Variants in UBE3D observed in about 807,000 individuals in gnomAD.
UBE3D encodes the protein E3 ubiquitin-protein ligase E3D.
A neutral mutation model predicts 49.6 loss-of-function variants in UBE3D; 48 were observed. That is an observed-to-expected ratio of 0.97 (90% confidence interval 0.77 to 1.23). The LOEUF is 1.23. UBE3D is among the 50% of genes most tolerant of loss of function. The probability of loss-of-function intolerance (pLI) is 0.00; values close to 1 mark genes in which losing one functional copy is unlikely to be tolerated. For synonymous variants in UBE3D, 189 were observed against 174.2 expected (o/e 1.08, Z -0.67); for missense variants, 452 against 468.4 (o/e 0.96, Z 0.32).
downstream of UBE3D, among the ~76,000 whole-genome samples, chr6:82,888,819 A>G (rs890504313): frequency 7.6e-6 from 1 of 131,856 alleles, no homozygotes; most frequent in Non-Finnish European, 1.6e-5. Context: ...GTTTTGAACA[A>G]TTATGTTTGT....
chr6:83,059,050 A>G (rs1243984311), intron 1 of UBE3D, among the ~76,000 whole-genome samples: 1 of 152,198 alleles, frequency 6.6e-6, no homozygotes, highest in Non-Finnish European at 1.5e-5. Flanking sequence ...AGTAGAATAC[A>G]TATTATACTT....
chr6:82,888,336 G>T, downstream of UBE3D, among the ~76,000 whole-genome samples: 1 of 150,508 alleles, frequency 6.6e-6, no homozygotes, highest in African/African-American at 2.4e-5. Flanking sequence ...ATTGAAATTT[G>T]CAACCAAAAC....
At chr6:83,035,475 G>A (rs57307835) in intron 5 of UBE3D, among the ~76,000 whole-genome samples, 5,591 of 152,240 alleles carry the variant, frequency 0.037, 288 homozygotes, top group African/African-American at 0.11. Flanking sequence ...CTGATAGCTC[G>A]ACTGTGTATA....
chr6:83,031,885 T>C (rs1010545640), intron 5 of UBE3D, among the ~76,000 whole-genome samples: 4 of 152,184 alleles, frequency 2.6e-5, no homozygotes, highest in African/African-American at 9.6e-5. Context: ...GCCTCAAACC[T>C]TGGCAAATTC....
chr6:82,974,075 T>C (rs890500488), intron 8 of UBE3D, among the ~76,000 whole-genome samples: 9 of 152,346 alleles, frequency 5.9e-5, no homozygotes, highest in Middle Eastern at 3.4e-3. Context: ...TGCATTACAA[T>C]GTAACAATAT....
intron 8 of UBE3D, among the ~76,000 whole-genome samples, chr6:82,960,260 C>A (rs1258497897): frequency 6.6e-6 from 1 of 152,152 alleles, no homozygotes; most frequent in African/African-American, 2.4e-5. Context: ...TTCTGCTATT[C>A]TTTTTGCTTT....
chr6:82,966,018 A>G (rs189845287), intron 8 of UBE3D, among the ~76,000 whole-genome samples: 74 of 152,302 alleles, frequency 4.9e-4, no homozygotes, highest in Middle Eastern at 3.4e-3. Context: ...AAAAGTAACA[A>G]TTCTTTCATA....
At chr6:82,988,642 C>G (rs1223485549) in intron 8 of UBE3D, among the ~76,000 whole-genome samples, 1 of 152,130 alleles carries the variant, frequency 6.6e-6, no homozygotes, top group African/African-American at 2.4e-5. Flanking sequence ...TGGGCTGTCA[C>G]AGCAGAAATA....
chr6:82,942,935 C>T (rs59122324), intron 9 of UBE3D, among the ~76,000 whole-genome samples: 24,408 of 152,180 alleles, frequency 0.16, 2,000 homozygotes, highest in African/African-American at 0.17. Flanking sequence ...GTAGCTCCAC[C>T]GACAGCTTGC....
At chr6:82,919,104 T>C (rs1166480747) in intron 9 of UBE3D, among the ~76,000 whole-genome samples, 2 of 152,054 alleles carry the variant, frequency 1.3e-5, no homozygotes, top group Non-Finnish European at 2.9e-5. Flanking sequence ...TCTTCACCCA[T>C]GTTTAGAAAG....
intron 8 of UBE3D, among the ~76,000 whole-genome samples, chr6:82,958,507 A>T (rs1776325740): frequency 6.6e-6 from 1 of 152,234 alleles, no homozygotes; most frequent in African/African-American, 2.4e-5. Flanking sequence ...GGTTTGGGAC[A>T]TAATGGATTT....
chr6:83,044,348 C>G (rs1782876149), intron 4 of UBE3D, 80 bp downstream of exon 4: 1 of 1,364,526 alleles, frequency 7.3e-7, no homozygotes, highest in Non-Finnish European at 1.0e-6. Flanking sequence ...ATGTAACAAG[C>G]CCTTAATTAG....
At chr6:82,988,710 A>T (rs1778690448) in intron 8 of UBE3D, among the ~76,000 whole-genome samples, 1 of 152,138 alleles carries the variant, frequency 6.6e-6, no homozygotes, top group Non-Finnish European at 1.5e-5. Flanking sequence ...GCCATGTGCC[A>T]TTTCCTTTCT....
chr6:82,980,549 T>C (rs1316857606), intron 8 of UBE3D, among the ~76,000 whole-genome samples: 10 of 152,116 alleles, frequency 6.6e-5, no homozygotes, highest in Non-Finnish European at 1.0e-4. Context: ...AAGTTATTTC[T>C]TTTCCTGTAC....
chr6:83,062,162 G>C (rs1331788585), intron 1 of UBE3D, among the ~76,000 whole-genome samples: 4 of 151,956 alleles, frequency 2.6e-5, no homozygotes, highest in Admixed American at 2.0e-4. Context: ...TTTTGTCTTT[G>C]CTGTTGTTAC....
At chr6:83,036,335 T>A (rs1228895956) in intron 5 of UBE3D, 2 of 152,164 alleles carry the variant, frequency 1.3e-5, no homozygotes, top group Non-Finnish European at 2.9e-5. Context: ...CTTCTTTAAT[T>A]TTCAATCTCT....
intron 8 of UBE3D, among the ~76,000 whole-genome samples, chr6:82,960,663 G>A (rs1009229905): frequency 6.6e-6 from 1 of 151,626 alleles, no homozygotes; most frequent in African/African-American, 2.4e-5. Context: ...TTCTTATTTG[G>A]GATACGTCTA....
intron 8 of UBE3D, among the ~76,000 whole-genome samples, chr6:82,964,589 T>C (rs1192327389): frequency 6.6e-6 from 1 of 152,188 alleles, no homozygotes; most frequent in Non-Finnish European, 1.5e-5. Context: ...CTTATACCTG[T>C]AAATTTTAGA....
intron 9 of UBE3D, among the ~76,000 whole-genome samples, chr6:82,923,569 G>A (rs1286807622): frequency 3.3e-5 from 5 of 152,100 alleles, no homozygotes; most frequent in Non-Finnish European, 7.4e-5. Flanking sequence ...CCCTGTGGGG[G>A]TGGGGGGCTA....
Sources: gnomAD v4.1 joint callset for allele counts (sites outside exome capture counted in the v4.1 genomes callset) on GRCh38, gnomAD v4.1.1 for gene constraint, MANE v1.5 for transcripts, NCBI Gene and HGNC (gene_info 2026-07-23, HGNC 2026-07-21) for gene names.